Variants in LMNB1 observed in about 807,000 individuals in gnomAD.
LMNB1 encodes the protein lamin-B1.
Under a neutral mutation model 67.1 loss-of-function variants are expected in LMNB1, and 23 were observed. That is an observed-to-expected ratio of 0.34 (90% CI 0.25 to 0.49). The LOEUF is 0.49. Ranked by LOEUF, LMNB1 falls within the 20% of genes least tolerant of loss-of-function variation. The probability of loss-of-function intolerance (pLI) is 0.99; values close to 1 mark genes in which losing one functional copy is unlikely to be tolerated. For synonymous variants in LMNB1, 281 were observed against 282.9 expected, an observed-to-expected ratio of 0.99 and a Z score of 0.07; for missense variants, 634 against 746.5, an observed-to-expected ratio of 0.85 and a Z score of 1.76.
In LMNB1 at chr5:126,777,658, G is replaced by A. The variant is rs1439749500; in HGVS notation, c.150G>A (p.Val50=). The part of the protein sequence containing the change: ...NDRLAVYIDK[V]RSLETENSAL... The stretch of plus-strand genomic sequence containing the variant: ...GGCTGGCGGTGTACATCGACAAGGT[G>A]CGCAGCCTGGAGACGGAGAACAGCG... The change falls in exon 1 of 11, where the codon GTG becomes GTA. Residue 50 remains valine, a synonymous_variant. Coordinates refer to ENST00000261366, the MANE Select transcript of LMNB1 (RefSeq NM_005573.4). 3.2e-6 allele frequency: 5 copies of A among 1,544,854 alleles called. No homozygotes were observed. The highest frequency in any genetic ancestry group is 1.7e-4 in the Middle Eastern group (1 of 5,942).
chr5:126,783,900 G>A (rs1750694738), intron 1 of LMNB1, among the ~76,000 whole-genome samples: 1 of 151,670 alleles, frequency 6.6e-6, no homozygotes, highest in South Asian at 2.1e-4. Flanking sequence ...TTGAGTAATG[G>A]GACCCTGTAT....
intron 1 of LMNB1, among the ~76,000 whole-genome samples, chr5:126,799,167 C>T (rs1225473658): frequency 5.3e-5 from 8 of 152,028 alleles, no homozygotes; most frequent in Non-Finnish European, 7.4e-5. Flanking sequence ...TACAGGCGCC[C>T]GCCACCTCGC....
At chr5:126,817,078 G>GTTTGTTTGTTT (rs367876694) in intron 5 of LMNB1, among the ~76,000 whole-genome samples, 4 of 22,770 alleles carry the variant, frequency 1.8e-4, no homozygotes, top group Non-Finnish European at 6.5e-4. Context: ...CCGTTTGTTT[G>GTTTGTTTGTTT]GTTTGTTTGT....
Position 126,777,707 on chromosome 5 carries a change from C to G in LMNB1, c.199C>G (p.Arg67Gly). The change falls in exon 1 of 11, where the codon CGC (arginine) becomes GGC (glycine). Residue 67 changes from arginine to glycine, a missense_variant. Coordinates refer to ENST00000261366, the MANE Select transcript of LMNB1 (RefSeq NM_005573.4). ...CGCGCTGCAGCTGCAGGTGACGGAG[C>G]GCGAGGAGGTGCGCGGCCGTGAGCT... Reference protein sequence around the residue: ...NSALQLQVTEREEVRGRELTG... With the variant: ...NSALQLQVTEGEEVRGRELTG... 2 of 1,545,216 alleles carry G rather than the reference C, an allele frequency of 1.3e-6. No homozygotes were observed. Among genetic ancestry groups the G allele is most frequent in the South Asian group, 1.2e-5 (1 of 83,568 alleles).
Position 126,821,091 on chromosome 5 carries a change from G to A in LMNB1, c.1342G>A (p.Asp448Asn), listed in dbSNP as rs749415376. Residue 448 changes from aspartate to asparagine, a missense_variant, in exon 7 of 11, where the codon GAT becomes AAT. Physicochemically the swap from Asp to Asn is conservative, Grantham distance 23. Coordinates refer to ENST00000261366, the MANE Select transcript of LMNB1 (RefSeq NM_005573.4). ...ATGNVCIEEIDVDGKFIRLKN... is the reference protein window; with the variant it reads ...ATGNVCIEEINVDGKFIRLKN... ...TGGAAATGTTTGCATCGAAGAAATT[G>A]ATGTTGATGGGAAATTTATCCGCTT... 3.7e-6 allele frequency: 6 copies of A among 1,613,878 alleles called. No homozygotes were observed. The highest frequency in any genetic ancestry group is 5.1e-6 in the Non-Finnish European group (6 of 1,179,968).
chr5:126,833,305 A>G (rs1752177061), intron 10 of LMNB1, among the ~76,000 whole-genome samples: 1 of 149,574 alleles, frequency 6.7e-6, no homozygotes, highest in Non-Finnish European at 1.5e-5. Flanking sequence ...TGAAATAAAG[A>G]AACTCCAAAT....
Position 126,810,955 on chromosome 5 carries a change from G to A in LMNB1, c.813+605G>A, listed in dbSNP as rs191430736. Among the ~76,000 whole-genome samples, 6 of 152,286 alleles carry A rather than the reference G, an allele frequency of 3.9e-5. No homozygotes were observed. In the East Asian group the frequency reaches 9.6e-4, roughly 24 times the overall value. Reference sequence around the variant, plus strand: ...TCCCTGGTAAATGATTTTGCCTTGTGTTTTAAATGTTACATGATTTGATTA... The same window carrying A: ...TCCCTGGTAAATGATTTTGCCTTGTATTTTAAATGTTACATGATTTGATTA... On this transcript the variant is annotated intron_variant, in intron 4 of 10. Transcript: ENST00000261366.
At chr5:126,805,773 ATATTT>A in intron 3 of LMNB1, 77 bp downstream of exon 3, 1 of 1,028,482 alleles carries the variant, frequency 9.7e-7, no homozygotes, top group East Asian at 2.5e-5. Flanking sequence ...ACATGTAATT[ATATTT>A]TATTTATGAT....
In LMNB1 at chr5:126,777,250, T is replaced by G; in HGVS notation, c.-259T>G. 1 of 343,780 alleles carries G rather than the reference T, an allele frequency of 2.9e-6. No individual in the cohort carries two copies. Among genetic ancestry groups the G allele is most frequent in the Non-Finnish European group, 5.2e-6 (1 of 192,180 alleles). The allele number at this position is 343,780 out of a possible 1,614,324, so 21.3% of individuals were successfully genotyped here. ...GCATTTTCCCGCGTGCGTGTGTGAG[T>G]GGGTGTGTGTGTTTTCTTACAAAGG... is the stretch of plus-strand genomic sequence containing the variant. On this transcript the variant is annotated 5_prime_UTR_variant, in exon 1 of 11. Coordinates refer to ENST00000261366, the MANE Select transcript of LMNB1 (RefSeq NM_005573.4).
intron 10 of LMNB1, among the ~76,000 whole-genome samples, chr5:126,834,241 G>C (rs1331801603): frequency 6.6e-6 from 1 of 151,292 alleles, no homozygotes; most frequent in Non-Finnish European, 1.5e-5. Flanking sequence ...GAGTCTTGCT[G>C]TGTCGCCAGG....
intron 6 of LMNB1, among the ~76,000 whole-genome samples, chr5:126,820,003 G>C (rs1751820998): frequency 6.6e-6 from 1 of 151,992 alleles, no homozygotes; most frequent in Non-Finnish European, 1.5e-5. Flanking sequence ...AAATTAGCTG[G>C]GCATGGTGGC....
Position 126,836,240 on chromosome 5 carries a change from C to G in LMNB1, c.1737C>G (p.Ser579=). ...LFHQQGTPRA[S]NRSCAIM ...CTCATCAGGGAACCCCAAGAGCATC[C>G]AATAGAAGCTGTGCAATTATGTAAA... is the stretch of plus-strand genomic sequence containing the variant. The change falls in exon 11 of 11, where the codon TCC becomes TCG. Residue 579 remains serine (S), a synonymous_variant. Transcript: ENST00000261366. The G allele has an allele frequency of 6.2e-7, 1 of 1,609,788 alleles. No homozygotes were observed. Among genetic ancestry groups the G allele is most frequent in the South Asian group, 1.1e-5 (1 of 90,922 alleles).
In LMNB1 at chr5:126,786,112, C is replaced by CTT. The variant is rs70997312; in HGVS notation, c.359+8264_359+8265dup. Among the ~76,000 whole-genome samples the CTT allele has an allele frequency of 5.6e-3, 593 of 106,652 alleles. 27 individuals are homozygous for CTT. The highest frequency in any genetic ancestry group is 0.019 in the African/African-American group (549 of 29,068). 70.0% of individuals were successfully genotyped at this position (106,652 alleles called of 152,430 possible). A position where few individuals can be genotyped will look rare whatever the true frequency, so the allele number is the denominator to read the frequency against. ...ACAGTAGATGCTTTACAGACATTAT[C>CTT]TTTTTTTTTTTTTTTTTTTTGATGC... On this transcript the variant is annotated intron_variant, in intron 1 of 10. Coordinates refer to ENST00000261366, the MANE Select transcript of LMNB1 (RefSeq NM_005573.4).
chr5:126,833,824 CTG>C (rs1752189376), intron 10 of LMNB1, among the ~76,000 whole-genome samples: 1 of 152,174 alleles, frequency 6.6e-6, no homozygotes, highest in East Asian at 1.9e-4. Context: ...GAGAAGAACT[CTG>C]TGAGGTGATG....
At position 126,825,971 on chromosome 5, in the gene LMNB1, G is replaced by A; in HGVS notation, c.1492-17G>A. The A allele has an allele frequency of 2.5e-6, 4 of 1,613,314 alleles. No individual in the cohort carries two copies. The highest frequency in any genetic ancestry group is 3.4e-6 in the Non-Finnish European group (4 of 1,179,782). On this transcript the variant is annotated splice_polypyrimidine_tract_variant and intron_variant, in intron 8 of 10. Transcript: ENST00000261366. The stretch of plus-strand genomic sequence containing the variant: ...AACTGGGTTCTGGGTGTACTGACAT[G>A]CTTTGGTTTTTTACAGATTTGGGCT...
rs1750481108 is a variant in LMNB1 at position 126,777,301 on chromosome 5, C to CGTA, written c.-205_-203dup. 5.0e-6 allele frequency: 2 copies of CGTA among 399,404 alleles called. No individual in the cohort carries two copies. Among genetic ancestry groups the CGTA allele is most frequent in the Non-Finnish European group, 8.6e-6 (2 of 233,226 alleles). The allele number at this position is 399,404 out of a possible 1,614,324, so 24.7% of individuals were successfully genotyped here. On this transcript the variant is annotated 5_prime_UTR_variant, in exon 1 of 11. Transcript: ENST00000261366. ...GTATTTCGCGATCGATCGATTGATT[C>CGTA]GTAGTTCCCCCCCGCGCGCCTTTGC... is the stretch of plus-strand genomic sequence containing the variant.
chr5:126,823,034 A>C (rs970958480), intron 8 of LMNB1, 149 bp downstream of exon 8: 16 of 619,292 alleles, frequency 2.6e-5, no homozygotes, highest in Non-Finnish European at 4.0e-5. Context: ...GCTATAAAAG[A>C]TTTTTAAAAT....
chr5:126,788,117 G>C (rs1322811990), intron 1 of LMNB1, among the ~76,000 whole-genome samples: 1 of 152,094 alleles, frequency 6.6e-6, no homozygotes, highest in Non-Finnish European at 1.5e-5. Flanking sequence ...AAAGAGTCTA[G>C]GGTGACTGCT....
intron 5 of LMNB1, among the ~76,000 whole-genome samples, chr5:126,815,560 C>G (rs1037681763): frequency 6.6e-6 from 1 of 152,066 alleles, no homozygotes; most frequent in Non-Finnish European, 1.5e-5. Flanking sequence ...ACATTACATA[C>G]TATAAAATAT....
Sources: allele counts gnomAD v4.1 joint callset (sites outside exome capture counted in the v4.1 genomes callset), GRCh38; gene constraint gnomAD v4.1.1; transcripts MANE v1.5; gene names NCBI Gene and HGNC (gene_info 2026-07-23, HGNC 2026-07-21).